The following COBL variants were observed in gnomAD, a reference collection of about 807,000 sequenced individuals.
COBL encodes cordon-bleu WH2 repeat protein.
In COBL, 51 loss-of-function variants were observed where a neutral mutation model predicts 98.8. The observed-to-expected ratio is 0.52, with a 90% CI of 0.41 to 0.65. The LOEUF (loss-of-function observed/expected upper bound fraction) is 0.65, where lower values mean the gene tolerates loss of function less well. Ranked by LOEUF, COBL falls within the 30% of genes least tolerant of loss-of-function variation. The pLI, the probability that COBL is intolerant of heterozygous loss-of-function variation, is 0.00. For synonymous variants in COBL, 634 were observed against 651.7 expected (o/e 0.97, Z 0.41); for missense variants, 1,617 against 1,617.5 (o/e 1.00, Z 0.01).
At chr7:51,048,467 C>G (rs1789929522) in intron 7 of COBL, among the ~76,000 whole-genome samples, 1 of 152,040 alleles carries the variant, frequency 6.6e-6, no homozygotes, top group African/African-American at 2.4e-5. Context: ...ACAAAGGAAT[C>G]TGGATATCAT....
chr7:51,308,487 C>T (rs12719052), intron 1 of COBL, among the ~76,000 whole-genome samples: 46,739 of 151,882 alleles, frequency 0.31, 8,827 homozygotes, highest in Non-Finnish European at 0.42. Context: ...CCTTAGTTTG[C>T]TACTTACTTA....
chr7:51,128,762 A>T (rs1798463838), intron 6 of COBL, among the ~76,000 whole-genome samples: 3 of 152,156 alleles, frequency 2.0e-5, no homozygotes. Context: ...ATGCACCCCC[A>T]TGTGCTCTGG....
At chr7:51,068,895 A>G (rs2128920892) in intron 7 of COBL, among the ~76,000 whole-genome samples, 1 of 152,346 alleles carries the variant, frequency 6.6e-6, no homozygotes, top group South Asian at 2.1e-4. Flanking sequence ...TTTTATATTT[A>G]TTGAACTTAA....
intron 1 of COBL, among the ~76,000 whole-genome samples, chr7:51,242,404 T>C (rs1795874658): frequency 6.6e-6 from 1 of 152,212 alleles, no homozygotes; most frequent in South Asian, 2.1e-4. Flanking sequence ...ATTGCTTCAT[T>C]CTTTCCTTGC....
At chr7:51,061,022 A>C (rs79858319) in intron 7 of COBL, among the ~76,000 whole-genome samples, 7,202 of 152,258 alleles carry the variant, frequency 0.047, 584 homozygotes, top group African/African-American at 0.17. Flanking sequence ...TCCAGGTAGT[A>C]CCACTAATGG....
intron 2 of COBL, among the ~76,000 whole-genome samples, chr7:51,198,049 T>A (rs1790757549): frequency 6.6e-6 from 1 of 152,230 alleles, no homozygotes; most frequent in Non-Finnish European, 1.5e-5. Flanking sequence ...GATTTGATCC[T>A]GTTATCATGA....
intron 1 of COBL, among the ~76,000 whole-genome samples, chr7:51,253,799 T>C (rs1796957372): frequency 6.6e-6 from 1 of 152,224 alleles, no homozygotes. Context: ...AATAAAGATA[T>C]ATGGTCAGAA....
intron 6 of COBL, among the ~76,000 whole-genome samples, chr7:51,104,786 G>A (rs549359319): frequency 2.0e-4 from 31 of 152,272 alleles, no homozygotes; most frequent in African/African-American, 7.2e-4. Flanking sequence ...GTCATCCTCT[G>A]TCACCTGGTT....
chr7:51,162,731 G>C (rs1460751937), intron 5 of COBL, among the ~76,000 whole-genome samples: 2 of 152,234 alleles, frequency 1.3e-5, no homozygotes, highest in African/African-American at 4.8e-5. Flanking sequence ...TAGCAGATGA[G>C]GAAAGTGAAG....
intron 6 of COBL, among the ~76,000 whole-genome samples, chr7:51,129,898 G>A (rs1309070077): frequency 6.6e-6 from 1 of 152,194 alleles, no homozygotes; most frequent in South Asian, 2.1e-4. Context: ...TAGCGAAGGT[G>A]TAAAGAAGAT....
In COBL at chr7:51,054,772, T is replaced by C. The variant is rs144733667; in HGVS notation, c.1097-11080A>G. Among the ~76,000 whole-genome samples, 740 of 152,328 alleles carry C rather than the reference T, an allele frequency of 4.9e-3. 3 individuals are homozygous for C. The highest frequency in any genetic ancestry group is 0.02 in the Middle Eastern group (6 of 294). ...ACAAAGCTTGGCTACGCATTTACAA[T>C]GATGTCCACGACAGAAAACCCAGCC... On this transcript the variant is annotated intron_variant, in intron 7 of 12. Transcript: ENST00000265136.
At chr7:51,115,120 T>C (rs998011723) in intron 6 of COBL, among the ~76,000 whole-genome samples, 22 of 152,220 alleles carry the variant, frequency 1.4e-4, no homozygotes, top group Non-Finnish European at 2.1e-4. Context: ...TTAATGTCTA[T>C]AGAATCATAT....
intron 7 of COBL, among the ~76,000 whole-genome samples, chr7:51,058,420 G>A (rs988366815): frequency 1.3e-5 from 2 of 152,148 alleles, no homozygotes; most frequent in Non-Finnish European, 2.9e-5. Flanking sequence ...AGGCATGGTA[G>A]AGCGTTCTTG....
chr7:51,257,243 A>T (rs2129143574), intron 1 of COBL, among the ~76,000 whole-genome samples: 1 of 152,310 alleles, frequency 6.6e-6, no homozygotes, highest in South Asian at 2.1e-4. Flanking sequence ...CAACGTGCCA[A>T]AAAACAAAAA....
In COBL at chr7:51,156,745, G is replaced by T. The variant is rs116298316; in HGVS notation, c.784-20414C>A. On this transcript the variant is annotated intron_variant, in intron 5 of 12. Transcript: ENST00000265136. ...ACACACACACACACACACACACAAT[G>T]AACTGTAGTTAAGGTGCACTTTCAA... The T allele has an allele frequency of 3.0e-3, 477 of 159,302 alleles. 2 individuals are homozygous for T. The highest frequency in any genetic ancestry group is 0.012 in the African/African-American group (446 of 37,088). 9.9% of individuals were successfully genotyped at this position (159,302 alleles called of 1,614,324 possible).
chr7:51,290,322 T>C (rs901472911), intron 1 of COBL, among the ~76,000 whole-genome samples: 3 of 152,192 alleles, frequency 2.0e-5, no homozygotes, highest in African/African-American at 7.2e-5. Context: ...CTGCTAATCA[T>C]TGGGGAACAT....
chr7:51,203,618 C>T (rs1791377589), intron 2 of COBL, among the ~76,000 whole-genome samples: 1 of 151,582 alleles, frequency 6.6e-6, no homozygotes, highest in African/African-American at 2.4e-5. Flanking sequence ...ATCACATCAT[C>T]CCTAAAAAAA....
At chr7:51,249,143 T>C (rs1796517120) in intron 1 of COBL, among the ~76,000 whole-genome samples, 1 of 152,202 alleles carries the variant, frequency 6.6e-6, no homozygotes, top group African/African-American at 2.4e-5. Flanking sequence ...AACTCCTGTG[T>C]ATCAGATCCA....
intron 5 of COBL, chr7:51,156,110 C>T: frequency 2.1e-6 from 2 of 968,034 alleles, no homozygotes; most frequent in Non-Finnish European, 2.5e-6. Context: ...ATTCATTGTG[C>T]TAAAAGAAAA....
Sources: gnomAD v4.1 joint callset for allele counts (sites outside exome capture counted in the v4.1 genomes callset) on GRCh38, gnomAD v4.1.1 for gene constraint, MANE v1.5 for transcripts, NCBI Gene and HGNC (gene_info 2026-07-23, HGNC 2026-07-21) for gene names.